The following TTC28 variants were observed in gnomAD, a reference collection of about 807,000 sequenced individuals.
TTC28 encodes tetratricopeptide repeat domain 28.
TTC28 carries 61 observed loss-of-function variants against 198.0 expected under a neutral mutation model. The ratio of observed to expected loss-of-function variants is 0.31; its 90% CI spans 0.25 to 0.38. The LOEUF is 0.38. Among genes scored for constraint, TTC28 ranks in the 10% least tolerant of loss-of-function variants. The probability of loss-of-function intolerance (pLI) is 1.00; values close to 1 mark genes in which losing one functional copy is unlikely to be tolerated. For synonymous variants in TTC28, 1,171 were observed against 1,297.8 expected (o/e 0.90, Z 2.10); for missense variants, 2,678 against 3,164.0 (o/e 0.85, Z 3.69).
chr22:28,648,020 C>G (rs1044391737), intron 1 of TTC28, among the ~76,000 whole-genome samples: 4 of 151,388 alleles, frequency 2.6e-5, no homozygotes, highest in East Asian at 2.0e-4. Context: ...GTCAGGAGAC[C>G]AAGACCATCC....
chr22:28,430,788 A>G (rs1235753842), intron 2 of TTC28, among the ~76,000 whole-genome samples: 1 of 151,474 alleles, frequency 6.6e-6, no homozygotes, highest in African/African-American at 2.4e-5. Flanking sequence ...GCATGTAAAA[A>G]CCTAATTTCA....
chr22:28,428,302 T>G (rs1165991125), intron 2 of TTC28, among the ~76,000 whole-genome samples: 1 of 152,128 alleles, frequency 6.6e-6, no homozygotes. Flanking sequence ...GCAAATCCCT[T>G]TACTTTTGAA....
In TTC28 at chr22:28,313,708, A is replaced by G. The variant is rs1386650307; in HGVS notation, c.382-7065T>C. Among the ~76,000 whole-genome samples, 8 of 152,198 alleles carry G rather than the reference A, an allele frequency of 5.3e-5. No homozygotes were observed. In the East Asian group the frequency reaches 1.5e-3, roughly 29 times the overall value. ...CAATAAACTAAGTAAGATGGAACGT[A>G]TCTCAGCATAATAAGAGCTGTTTAT... On this transcript the variant is annotated intron_variant, in intron 2 of 22. Coordinates refer to ENST00000397906, the MANE Select transcript of TTC28 (RefSeq NM_001145418.2).
At chr22:28,399,235 A>C (rs546455490) in intron 2 of TTC28, among the ~76,000 whole-genome samples, 1 of 151,492 alleles carries the variant, frequency 6.6e-6, no homozygotes, top group Non-Finnish European at 1.5e-5. Flanking sequence ...TAAAATTTAA[A>C]TCCCTGCCTG....
chr22:28,542,143 T>C (rs1010519112), intron 2 of TTC28, among the ~76,000 whole-genome samples: 6 of 151,898 alleles, frequency 4.0e-5, no homozygotes, highest in African/African-American at 1.2e-4. Flanking sequence ...TAAGCCACCA[T>C]ACACCAGCCA....
At chr22:28,446,468 C>G (rs950004703) in intron 2 of TTC28, among the ~76,000 whole-genome samples, 1 of 152,084 alleles carries the variant, frequency 6.6e-6, no homozygotes, top group African/African-American at 2.4e-5. Context: ...GTGGGAGGTT[C>G]GGATCATGGG....
intron 14 of TTC28, 65 bp from the exon 15 acceptor site, chr22:28,001,618 A>G: frequency 2.6e-6 from 4 of 1,514,314 alleles, no homozygotes; most frequent in Non-Finnish European, 3.6e-6. Context: ...AGGCACCAGG[A>G]CAACCCTGAG....
intron 2 of TTC28, among the ~76,000 whole-genome samples, chr22:28,624,203 C>G (rs949059041): frequency 6.6e-6 from 1 of 151,838 alleles, no homozygotes; most frequent in African/African-American, 2.4e-5. Flanking sequence ...ACGGTGAAAC[C>G]CTGTCTCTAC....
At chr22:28,600,007 C>T (rs1302520030) in intron 2 of TTC28, among the ~76,000 whole-genome samples, 2 of 152,202 alleles carry the variant, frequency 1.3e-5, no homozygotes, top group African/African-American at 4.8e-5. Flanking sequence ...GTGCTAGGCA[C>T]TTAACAGTTT....
chr22:28,146,326 A>G (rs971902799), intron 6 of TTC28, among the ~76,000 whole-genome samples: 1 of 152,238 alleles, frequency 6.6e-6, no homozygotes, highest in Non-Finnish European at 1.5e-5. Flanking sequence ...GAAAACGCTT[A>G]GTAAAGGATT....
At chr22:28,002,608 T>C (rs1248051114) in intron 14 of TTC28, 2 of 152,144 alleles carry the variant, frequency 1.3e-5, no homozygotes, top group African/African-American at 4.8e-5. Context: ...CATATGGTTT[T>C]TTTTTTTCTT....
intron 2 of TTC28, among the ~76,000 whole-genome samples, chr22:28,583,608 G>A (rs923402262): frequency 2.0e-5 from 3 of 152,086 alleles, no homozygotes; most frequent in African/African-American, 7.2e-5. Context: ...TTTTACAGCT[G>A]CTTCTTTCAA....
At chr22:28,613,481 G>T (rs766677401) in intron 2 of TTC28, among the ~76,000 whole-genome samples, 28 of 152,120 alleles carry the variant, frequency 1.8e-4, no homozygotes, top group Non-Finnish European at 3.7e-4. Context: ...CCAAAAATGG[G>T]CAGAGACACA....
At chr22:28,178,297 A>AAT (rs1453347706) in intron 5 of TTC28, among the ~76,000 whole-genome samples, 2 of 63,834 alleles carry the variant, frequency 3.1e-5, no homozygotes, top group East Asian at 7.5e-4. Flanking sequence ...TCTACTAATA[A>AAT]ATACAAAAAA....
At chr22:28,086,837 C>T (rs375074237) in intron 12 of TTC28, among the ~76,000 whole-genome samples, 25 of 151,878 alleles carry the variant, frequency 1.6e-4, no homozygotes, top group East Asian at 5.8e-4. Context: ...ATATCACCAC[C>T]GATCCCACAG....
chr22:28,268,004 C>T (rs1367590037), intron 5 of TTC28, among the ~76,000 whole-genome samples: 2 of 152,108 alleles, frequency 1.3e-5, no homozygotes, highest in East Asian at 1.9e-4. Flanking sequence ...GGTATGTCAA[C>T]GCCTAGTGTG....
intron 2 of TTC28, among the ~76,000 whole-genome samples, chr22:28,533,239 T>A (rs755298731): frequency 2.6e-5 from 4 of 151,980 alleles, no homozygotes; most frequent in Non-Finnish European, 5.9e-5. Context: ...TGTGCAAAAA[T>A]CACAAGCATT....
At chr22:28,286,552 G>C (rs908071409) in intron 5 of TTC28, among the ~76,000 whole-genome samples, 2 of 152,132 alleles carry the variant, frequency 1.3e-5, no homozygotes, top group Non-Finnish European at 2.9e-5. Context: ...ATAAATCTAC[G>C]AGAATACACT....
At chr22:28,051,628 C>A (rs1429754564) in intron 12 of TTC28, among the ~76,000 whole-genome samples, 1 of 152,166 alleles carries the variant, frequency 6.6e-6, no homozygotes, top group African/African-American at 2.4e-5. Flanking sequence ...CCACATTAAC[C>A]CAGTAGGGGG....
Sources: allele counts gnomAD v4.1 joint callset (sites outside exome capture counted in the v4.1 genomes callset), GRCh38; gene constraint gnomAD v4.1.1; transcripts MANE v1.5; gene names NCBI Gene and HGNC (gene_info 2026-07-23, HGNC 2026-07-21).